The following KCNN3 variants were observed in gnomAD, a reference collection of about 807,000 sequenced individuals.
KCNN3 encodes the protein potassium calcium-activated channel subfamily N member 3, also known as small conductance calcium-activated potassium channel protein 3.
In KCNN3, 16 loss-of-function variants were observed where a neutral mutation model predicts 62.9. That is an observed-to-expected ratio of 0.25 (90% CI 0.17 to 0.39). KCNN3 has a LOEUF of 0.39. Ranked by LOEUF, KCNN3 falls within the 10% of genes least tolerant of loss-of-function variation. The probability of loss-of-function intolerance (pLI) is 1.00; values close to 1 mark genes in which losing one functional copy is unlikely to be tolerated. For synonymous variants in KCNN3, 370 were observed against 389.2 expected (o/e 0.95, Z 0.58); for missense variants, 599 against 949.4 (o/e 0.63, Z 4.85).
chr1:154,859,021 CT>C (rs904077765), intron 1 of KCNN3, among the ~76,000 whole-genome samples: 2 of 152,200 alleles, frequency 1.3e-5, no homozygotes, highest in Admixed American at 6.5e-5. Flanking sequence ...TGGTGCCCCC[CT>C]GAGGAGGCCT....
chr1:154,708,254 C>A lies in KCNN3; in HGVS notation c.1918G>T (p.Asp640Tyr). 6.2e-7 allele frequency: 1 copy of A among 1,613,564 alleles called. No homozygotes were observed. Among genetic ancestry groups the A allele is most frequent in the South Asian group, 1.1e-5 (1 of 91,028 alleles). Residue 640 changes from aspartate to tyrosine, a missense_variant, in exon 8 of 8, where the codon GAC becomes TAC. Coordinates refer to ENST00000271915, the MANE Select transcript of KCNN3 (RefSeq NM_002249.6). ...DLSKMQNVMY[D>Y]LITELNDRSE... ...CGGTCATTGAGTTCTGTGATTAAGT[C>A]ATACATGACATTCTGCATCTGTGTG...
chr1:154,723,726 A>T (rs1044198404), intron 5 of KCNN3, among the ~76,000 whole-genome samples: 1 of 152,242 alleles, frequency 6.6e-6, no homozygotes, highest in African/African-American at 2.4e-5. Context: ...CTCTTGGTAA[A>T]CAGCTTATGA....
chr1:154,825,532 A>AT (rs1350185949), intron 1 of KCNN3, among the ~76,000 whole-genome samples: 3 of 151,276 alleles, frequency 2.0e-5, no homozygotes, highest in African/African-American at 4.9e-5. Context: ...CACCCGGCTA[A>AT]TTTTTTTGTA....
rs1423406816 is a variant in KCNN3, at chr1:154,809,497, T to G, written c.1029+12592A>C. On this transcript the variant is annotated intron_variant, in intron 2 of 7. Transcript: ENST00000271915. The surrounding 1 kb of genome is among the most constrained non-coding windows in gnomAD (Gnocchi z 4.3). ...CAAATCCTTGAAGTTTCTTCTTTAC[T>G]TCTCCTGTCTTTAGTCCAACCAAAG... is the stretch of plus-strand genomic sequence containing the variant. 6.6e-6 allele frequency among the ~76,000 whole-genome samples: 1 copy of G among 152,246 alleles called. No individual in the cohort carries two copies. Among genetic ancestry groups the G allele is most frequent in the East Asian group, 1.9e-4 (1 of 5,200 alleles).
chr1:154,735,952 G>A (rs1700704025), intron 3 of KCNN3, among the ~76,000 whole-genome samples: 1 of 152,236 alleles, frequency 6.6e-6, no homozygotes, highest in South Asian at 2.1e-4. Context: ...ACACATAAAT[G>A]TAATACAGTC....
chr1:154,781,937 T>G (rs1649071895), intron 2 of KCNN3, among the ~76,000 whole-genome samples: 1 of 152,064 alleles, frequency 6.6e-6, no homozygotes, highest in African/African-American at 2.4e-5. Flanking sequence ...GCAAAGGAAA[T>G]GAGAGAAGTC....
intron 2 of KCNN3, among the ~76,000 whole-genome samples, chr1:154,780,751 A>G (rs1203214349): frequency 6.6e-6 from 1 of 152,092 alleles, no homozygotes; most frequent in Non-Finnish European, 1.5e-5. Flanking sequence ...GCCAGTGACG[A>G]AATGAACTTC....
intron 2 of KCNN3, among the ~76,000 whole-genome samples, chr1:154,795,856 AGT>A (rs1649712839): frequency 6.6e-6 from 1 of 152,206 alleles, no homozygotes; most frequent in Admixed American, 6.5e-5. Flanking sequence ...TGACTGGCAC[AGT>A]GTTCCAGGAG....
intron 3 of KCNN3, among the ~76,000 whole-genome samples, chr1:154,761,756 T>C (rs542633378): frequency 1.3e-5 from 2 of 152,200 alleles, no homozygotes; most frequent in African/African-American, 4.8e-5. Context: ...CTGGCCAATA[T>C]GGAGAAACTC....
At chr1:154,853,343 T>C (rs1652380932) in intron 1 of KCNN3, among the ~76,000 whole-genome samples, 1 of 152,094 alleles carries the variant, frequency 6.6e-6, no homozygotes, top group Non-Finnish European at 1.5e-5. Flanking sequence ...TTTTTGTTTT[T>C]GTTTTTGTTT....
At chr1:154,768,434 T>C (rs75284984) in intron 3 of KCNN3, among the ~76,000 whole-genome samples, 4,256 of 152,318 alleles carry the variant, frequency 0.028, 200 homozygotes, top group African/African-American at 0.097. Flanking sequence ...GTCTGTGAGA[T>C]GCTGAGATTT....
At chr1:154,758,791 GTTTTGTTTTTGT>G (rs60541887) in intron 3 of KCNN3, among the ~76,000 whole-genome samples, 11 of 148,436 alleles carry the variant, frequency 7.4e-5, no homozygotes, top group South Asian at 2.1e-4. Context: ...GGAGAACATC[GTTTTGTTTTTGT>G]TTTTGTTTTT....
chr1:154,778,929 G>A (rs979449232), intron 2 of KCNN3, among the ~76,000 whole-genome samples: 10 of 152,138 alleles, frequency 6.6e-5, no homozygotes, highest in Non-Finnish European at 1.2e-4. Flanking sequence ...AATCCCTTCC[G>A]TCTGAACTTA....
intron 2 of KCNN3, among the ~76,000 whole-genome samples, chr1:154,804,435 C>A (rs1650083386): frequency 6.6e-6 from 1 of 152,192 alleles, no homozygotes; most frequent in Admixed American, 6.5e-5. Context: ...CATGATGTCC[C>A]CATCTTTATT....
intron 2 of KCNN3, among the ~76,000 whole-genome samples, chr1:154,803,115 C>A (rs888186800): frequency 1.3e-5 from 2 of 152,124 alleles, no homozygotes; most frequent in Admixed American, 1.3e-4. Flanking sequence ...CAGACTGTGG[C>A]CAGGCTTTGT....
At chr1:154,744,112 A>G (rs1436455298) in intron 3 of KCNN3, among the ~76,000 whole-genome samples, 1 of 152,114 alleles carries the variant, frequency 6.6e-6, no homozygotes, top group Non-Finnish European at 1.5e-5. Context: ...TATGTGGCCT[A>G]TTTTTGTATT....
At chr1:154,815,114 T>G (rs1252974447) in intron 2 of KCNN3, among the ~76,000 whole-genome samples, 1 of 152,106 alleles carries the variant, frequency 6.6e-6, no homozygotes, top group Non-Finnish European at 1.5e-5. Flanking sequence ...GGAGCTGACA[T>G]GCTCAAACCT....
In KCNN3 at chr1:154,699,451, A is replaced by G. The variant is rs942733794; in HGVS notation, c.*8525T>C. 6.6e-6 allele frequency: 1 copy of G among 152,208 alleles called. No homozygotes were observed. The highest frequency in any genetic ancestry group is 1.5e-5 in the Non-Finnish European group (1 of 68,044). The allele number at this position is 152,208 out of a possible 1,614,324, so 9.4% of individuals were successfully genotyped here. A position where few individuals can be genotyped will look rare whatever the true frequency, so the allele number is the denominator to read the frequency against. On this transcript the variant is annotated 3_prime_UTR_variant, in exon 8 of 8. Coordinates refer to ENST00000271915, the MANE Select transcript of KCNN3 (RefSeq NM_002249.6). ...AATCTGTAAATATTTGCCTACATAC[A>G]CGTCACACACACACATACATATTTA...
intron 1 of KCNN3, chr1:154,868,110 G>A (rs1156394023): frequency 8.1e-6 from 8 of 985,432 alleles, no homozygotes; most frequent in African/African-American, 5.2e-5. Context: ...TTTATCCCAA[G>A]GAGGAGTTGA....
Sources: gnomAD v4.1 joint callset for allele counts (sites outside exome capture counted in the v4.1 genomes callset) on GRCh38, gnomAD v4.1.1 for gene constraint, Gnocchi (gnomAD v3.1) non-coding constraint, MANE v1.5 for transcripts, NCBI Gene and HGNC (gene_info 2026-07-23, HGNC 2026-07-21) for gene names.